The following CLDN10 variants were observed in gnomAD, a reference collection of about 807,000 sequenced individuals.
CLDN10 encodes the protein claudin-10.
A neutral mutation model predicts 22.9 loss-of-function variants in CLDN10; 15 were observed. The observed-to-expected ratio is 0.65, with a 90% CI of 0.44 to 1.01. The LOEUF (loss-of-function observed/expected upper bound fraction) is 1.01, where lower values mean the gene tolerates loss of function less well. Ranked by LOEUF, CLDN10 falls within the 50% of genes least tolerant of loss-of-function variation. The pLI is 0.00. For synonymous variants in CLDN10, 114 were observed against 111.4 expected, an observed-to-expected ratio of 1.02 and a Z score of -0.15; for missense variants, 247 against 287.8, an observed-to-expected ratio of 0.86 and a Z score of 1.03.
At chr13:95,503,824 G>A (rs979533132) in intron 1 of CLDN10, among the ~76,000 whole-genome samples, 1 of 152,194 alleles carries the variant, frequency 6.6e-6, no homozygotes, top group African/African-American at 2.4e-5. Context: ...GTGGCTGCTA[G>A]GGAGAAGGGG....
chr13:95,517,811 G>C (rs1326725984), intron 1 of CLDN10, among the ~76,000 whole-genome samples: 1 of 151,668 alleles, frequency 6.6e-6, no homozygotes, highest in Non-Finnish European at 1.5e-5. Flanking sequence ...GCGGGTGCCT[G>C]TAATCCCAGC....
intron 1 of CLDN10, among the ~76,000 whole-genome samples, chr13:95,445,381 G>C (rs935100249): frequency 2.6e-5 from 4 of 152,226 alleles, no homozygotes; most frequent in African/African-American, 9.6e-5. Flanking sequence ...GAAAGCTATT[G>C]AAACATTTTA....
intron 1 of CLDN10, among the ~76,000 whole-genome samples, chr13:95,503,754 C>T (rs766886095): frequency 4.6e-5 from 7 of 152,102 alleles, no homozygotes; most frequent in Non-Finnish European, 1.0e-4. Flanking sequence ...GAAACAAATG[C>T]TGTATAATTC....
chr13:95,477,677 G>A (rs76135217), intron 1 of CLDN10, among the ~76,000 whole-genome samples: 429 of 152,296 alleles, frequency 2.8e-3, no homozygotes, highest in Non-Finnish European at 4.9e-3. Context: ...TTGATGTCCT[G>A]CCAACCCTAC....
At chr13:95,443,419 G>A (rs1435554589) in intron 1 of CLDN10, among the ~76,000 whole-genome samples, 1 of 152,380 alleles carries the variant, frequency 6.6e-6, no homozygotes, top group Non-Finnish European at 1.5e-5. Context: ...TTAATCGGGT[G>A]TGGTAAGATG....
intron 1 of CLDN10, among the ~76,000 whole-genome samples, chr13:95,533,448 A>G (rs61487855): frequency 0.023 from 3,439 of 152,326 alleles, 122 homozygotes; most frequent in African/African-American, 0.078. Context: ...ATCTTTAGAT[A>G]TAACACTCCC....
chr13:95,551,886 TA>T (rs113648925), upstream of CLDN10, among the ~76,000 whole-genome samples: 3,348 of 151,354 alleles, frequency 0.022, 130 homozygotes, highest in African/African-American at 0.076. Context: ...GGAGGTGGTT[TA>T]AAAAAAAATA....
At chr13:95,515,750 G>A (rs773639265) in intron 1 of CLDN10, among the ~76,000 whole-genome samples, 21 of 152,152 alleles carry the variant, frequency 1.4e-4, no homozygotes, top group Admixed American at 3.3e-4. Context: ...TGTAGAACGC[G>A]AGCCCAGAGG....
intron 1 of CLDN10, among the ~76,000 whole-genome samples, chr13:95,493,261 G>A (rs1459718543): frequency 6.6e-6 from 1 of 151,658 alleles, no homozygotes; most frequent in East Asian, 1.9e-4. Context: ...TTCCTTGCCA[G>A]CCCAGGTGCA....
Position 95,578,199 on chromosome 13 carries a change from T to C in CLDN10, c.*185T>C, listed in dbSNP as rs2043964680. 1 of 401,760 alleles carries C rather than the reference T, an allele frequency of 2.5e-6. No homozygotes were observed. The highest frequency in any genetic ancestry group is 4.4e-6 in the Non-Finnish European group (1 of 225,536). 24.9% of individuals were successfully genotyped at this position (401,760 alleles called of 1,614,324 possible). ...TTAGTTATATACTAATCATTTTCTG[T>C]TGTGGCTTTCTATAAAAAATAAACA... On this transcript the variant is annotated 3_prime_UTR_variant, in exon 5 of 5. Coordinates refer to ENST00000299339, the MANE Select transcript of CLDN10 (RefSeq NM_006984.5).
At chr13:95,460,162 A>T (rs2139088108) in intron 1 of CLDN10, among the ~76,000 whole-genome samples, 1 of 152,250 alleles carries the variant, frequency 6.6e-6, no homozygotes, top group African/African-American at 2.4e-5. Flanking sequence ...TGTCAATATC[A>T]CTATCAGTAT....
At chr13:95,474,817 G>A (rs2042669353) in intron 1 of CLDN10, among the ~76,000 whole-genome samples, 1 of 152,164 alleles carries the variant, frequency 6.6e-6, no homozygotes, top group African/African-American at 2.4e-5. Context: ...TCATTCCAGG[G>A]GGTAGGGTGG....
intron 1 of CLDN10, among the ~76,000 whole-genome samples, chr13:95,448,478 A>C (rs2042402241): frequency 6.6e-6 from 1 of 152,218 alleles, no homozygotes; most frequent in Non-Finnish European, 1.5e-5. Flanking sequence ...ACGCATAGTC[A>C]TCGGAGGGAA....
chr13:95,434,694 C>G (rs11620473), intron 1 of CLDN10, among the ~76,000 whole-genome samples: 1 of 151,632 alleles, frequency 6.6e-6, no homozygotes, highest in African/African-American at 2.4e-5. Context: ...AACTGGCAAA[C>G]GATGGCAAAT....
chr13:95,468,200 G>T (rs1156665024), intron 1 of CLDN10, among the ~76,000 whole-genome samples: 1 of 150,276 alleles, frequency 6.7e-6, no homozygotes. Context: ...GTCCTGATTA[G>T]ATTCTGGATT....
chr13:95,576,573 GT>G (rs2043930150), intron 3 of CLDN10, among the ~76,000 whole-genome samples: 1 of 152,164 alleles, frequency 6.6e-6, no homozygotes, highest in Admixed American at 6.6e-5. Flanking sequence ...AAGTGATCTT[GT>G]TTTTTGTCCT....
rs141796775 is a variant in CLDN10 at position 95,504,278 on chromosome 13, C to A, written c.215-55854C>A. Among the ~76,000 whole-genome samples the A allele has an allele frequency of 7.1e-4, 108 of 152,336 alleles. 1 individual carries two copies. Among genetic ancestry groups the A allele is most frequent in the African/African-American group, 2.5e-3 (103 of 41,576 alleles). On this transcript the variant is annotated intron_variant, in intron 1 of 4. Coordinates refer to the CLDN10 transcript ENST00000376873. ...AGGAATATTCTCTTCTGTCTGCCTA[C>A]ATTTTTTACTTCTGCAAGAAACATT...
At chr13:95,446,416 G>A (rs16951118) in intron 1 of CLDN10, among the ~76,000 whole-genome samples, 78 of 152,300 alleles carry the variant, frequency 5.1e-4, no homozygotes, top group Non-Finnish European at 7.2e-4. Context: ...CTTGGAATAC[G>A]GCAATAAAAA....
At position 95,552,853 on chromosome 13, in the gene CLDN10, A is replaced by G. The variant is rs932217780; in HGVS notation, c.100A>G (p.Thr34Ala). The change falls in exon 1 of 5, where the codon ACC (threonine) becomes GCC (alanine). Residue 34 changes from threonine (T) to alanine (A), a missense_variant. Coordinates refer to ENST00000299339, the MANE Select transcript of CLDN10 (RefSeq NM_006984.5). ...TLPTDYWKVS[T>A]IDGTVITTAT... ...GCCCACCGACTACTGGAAGGTGTCT[A>G]CCATCGACGGCACGGTCATCACAAC... 3 of 1,613,946 alleles carry G rather than the reference A, an allele frequency of 1.9e-6. No homozygotes were observed. Among genetic ancestry groups the G allele is most frequent in the African/African-American group, 1.3e-5 (1 of 74,900 alleles).
Sources: allele counts gnomAD v4.1 joint callset (sites outside exome capture counted in the v4.1 genomes callset), GRCh38; gene constraint gnomAD v4.1.1; transcripts MANE v1.5; gene names NCBI Gene and HGNC (gene_info 2026-07-23, HGNC 2026-07-21).